Variants in SNX8 observed in about 807,000 individuals in gnomAD.
The protein encoded by SNX8 is sorting nexin 8.
A neutral mutation model predicts 51.6 loss-of-function variants in SNX8; 25 were observed. The observed-to-expected ratio is 0.48, with a 90% CI of 0.35 to 0.68. The LOEUF (loss-of-function observed/expected upper bound fraction) is 0.68, where lower values mean the gene tolerates loss of function less well. SNX8 is among the 30% of genes least tolerant of loss of function. The pLI is 0.00. For missense variants in SNX8, 695 were observed against 624.0 expected (o/e 1.11, Z -1.21); for synonymous variants, 324 against 277.0 (o/e 1.17, Z -1.68).
chr7:2,333,217 C>T (rs1022200280), intron 1 of SNX8, among the ~76,000 whole-genome samples: 1 of 151,950 alleles, frequency 6.6e-6, no homozygotes, highest in Non-Finnish European at 1.5e-5. Flanking sequence ...CCCAGCCAAG[C>T]CCAGGAGTTT....
chr7:2,320,000 CAAAA>C (rs1165854962), intron 1 of SNX8, among the ~76,000 whole-genome samples: 1 of 152,034 alleles, frequency 6.6e-6, no homozygotes, highest in African/African-American at 2.4e-5. Context: ...AACAAACAAA[CAAAA>C]AACCGTAAAT....
At chr7:2,297,912 A>T (rs1162033139) in intron 1 of SNX8, among the ~76,000 whole-genome samples, 1 of 151,964 alleles carries the variant, frequency 6.6e-6, no homozygotes, top group Non-Finnish European at 1.5e-5. Flanking sequence ...TGAAGGATGA[A>T]AAATTACCTA....
intron 1 of SNX8, among the ~76,000 whole-genome samples, chr7:2,335,802 C>CAAA (rs1173439746): frequency 2.9e-4 from 9 of 30,628 alleles, no homozygotes; most frequent in African/African-American, 7.9e-4. Flanking sequence ...GACTCTGTCT[C>CAAA]AAAAAAAAAA....
chr7:2,330,266 T>C (rs1778706730), intron 1 of SNX8, among the ~76,000 whole-genome samples: 1 of 150,686 alleles, frequency 6.6e-6, no homozygotes, highest in African/African-American at 2.4e-5. Flanking sequence ...GCCTTCCAAG[T>C]AGCTGGGATT....
Position 2,347,573 on chromosome 7 carries a change from G to A in SNX8, c.-66+6649C>T, listed in dbSNP as rs138588164. On this transcript the variant is annotated intron_variant, in intron 1 of 5. Coordinates refer to the SNX8 transcript ENST00000435336. Reference sequence around the variant, plus strand: ...CAGGAGGAAACCAGCATGGTCAAACGAGACAGGGAAGTTCAGATGATTTGG... The same window carrying A: ...CAGGAGGAAACCAGCATGGTCAAACAAGACAGGGAAGTTCAGATGATTTGG... 2.9e-3 allele frequency among the ~76,000 whole-genome samples: 425 copies of A among 148,648 alleles called. 4 individuals carry two copies. Among genetic ancestry groups the A allele is most frequent in the African/African-American group, 9.8e-3 (398 of 40,750 alleles).
At chr7:2,319,837 G>A (rs1437216079) in intron 1 of SNX8, among the ~76,000 whole-genome samples, 3 of 147,484 alleles carry the variant, frequency 2.0e-5, no homozygotes, top group East Asian at 4.0e-4. Context: ...AAAATTAGCT[G>A]GGTGTGGTGG....
intron 1 of SNX8, among the ~76,000 whole-genome samples, chr7:2,343,433 T>C (rs529935922): frequency 8.7e-4 from 132 of 151,752 alleles, no homozygotes; most frequent in Middle Eastern, 6.8e-3. Flanking sequence ...CCCAGCACCT[T>C]GGGAGGCCGA....
chr7:2,349,322 A>G (rs1779095984), intron 1 of SNX8, among the ~76,000 whole-genome samples: 1 of 152,160 alleles, frequency 6.6e-6, no homozygotes, highest in Non-Finnish European at 1.5e-5. Context: ...AAGCATGTTC[A>G]CACTGACGCA....
chr7:2,304,359 A>C (rs1169710155), intron 1 of SNX8, among the ~76,000 whole-genome samples: 1 of 151,050 alleles, frequency 6.6e-6, no homozygotes, highest in South Asian at 2.1e-4. Context: ...CCTGGCTAAC[A>C]GGGTGAAACC....
At chr7:2,272,731 T>C (rs1412923230) in intron 3 of SNX8, among the ~76,000 whole-genome samples, 1 of 152,282 alleles carries the variant, frequency 6.6e-6, no homozygotes, top group African/African-American at 2.4e-5. Context: ...CAATTACTCA[T>C]TGCTTTCATT....
Position 2,264,389 on chromosome 7 carries a change from T to A in SNX8, c.691A>T (p.Ser231Cys). The change falls in exon 6 of 11, where the codon AGC becomes TGC. Residue 231 changes from serine (S) to cysteine (C), a missense_variant. Ser to Cys is a moderately radical substitution (Grantham distance 112). Coordinates refer to ENST00000222990, the MANE Select transcript of SNX8 (RefSeq NM_013321.4). ...GCCCTGTCGCGAAGCTTGTGAAAGC[T>A]ATTGTAGATGTTCCGGATCAGCTCC... ...SRELIRNIYN[S>C]FHKLRDRAER... 6.2e-7 allele frequency: 1 copy of A among 1,612,966 alleles called. No individual in the cohort carries two copies. The highest frequency in any genetic ancestry group is 1.7e-5 in the Admixed American group (1 of 60,028).
At position 2,251,818 on chromosome 7, in the gene SNX8, CAT is replaced by C. The variant is rs1471352409; in HGVS notation, c.*3236_*3237del. On this transcript the variant is annotated 3_prime_UTR_variant, in exon 11 of 11. Coordinates refer to ENST00000222990, the MANE Select transcript of SNX8 (RefSeq NM_013321.4). Reference sequence around the variant, plus strand: ...TTGATAAACCGTCCAAAATGTAGGTCATGTGTAAACAATTCCAGTTGTTGGGT... The same window carrying C: ...TTGATAAACCGTCCAAAATGTAGGTCGTGTAAACAATTCCAGTTGTTGGGT... 2 of 152,484 alleles carry C rather than the reference CAT, an allele frequency of 1.3e-5. No homozygotes were observed. The highest frequency in any genetic ancestry group is 2.9e-5 in the Non-Finnish European group (2 of 68,266). The allele number at this position is 152,484 out of a possible 1,614,324, so 9.4% of individuals were successfully genotyped here.
rs566279520 is a variant in SNX8, at chr7:2,343,664, G to A, written c.-66+10558C>T. Among the ~76,000 whole-genome samples the A allele has an allele frequency of 4.6e-5, 7 of 152,014 alleles. No individual in the cohort carries two copies. The South Asian group carries it at 1.5e-3, about 32-fold the overall frequency. On this transcript the variant is annotated intron_variant, in intron 1 of 5. Coordinates refer to the SNX8 transcript ENST00000435336. The stretch of plus-strand genomic sequence containing the variant: ...CCCTCCAGCCTAGGCGACAGAGTAA[G>A]ATCCAATCTCAATAAATAAATAAAT...
At chr7:2,348,433 C>T (rs1367607765) in intron 1 of SNX8, among the ~76,000 whole-genome samples, 3 of 150,734 alleles carry the variant, frequency 2.0e-5, no homozygotes, top group East Asian at 2.0e-4. Context: ...CTCCGCCTTC[C>T]GGGTTCACGC....
chr7:2,329,163 C>T (rs979692578), intron 1 of SNX8, among the ~76,000 whole-genome samples: 8 of 150,862 alleles, frequency 5.3e-5, no homozygotes, highest in Non-Finnish European at 1.0e-4. Context: ...CTCAGCTACT[C>T]GGGAGGCTGA....
chr7:2,277,526 C>T (rs906441947), intron 2 of SNX8, among the ~76,000 whole-genome samples: 6 of 152,064 alleles, frequency 3.9e-5, no homozygotes, highest in African/African-American at 7.2e-5. Context: ...CCAGGCCGGG[C>T]GCGGTGGCTC....
At chr7:2,316,019 CCACT>C (rs993772072), upstream of SNX8, among the ~76,000 whole-genome samples, 1 of 142,420 alleles carries the variant, frequency 7.0e-6, no homozygotes, top group African/African-American at 2.6e-5. Flanking sequence ...ATTCATTCAC[CCACT>C]CACTCACCCA....
intron 1 of SNX8, among the ~76,000 whole-genome samples, chr7:2,280,549 TTAAGA>T (rs372401177): frequency 1.3e-4 from 20 of 152,280 alleles, no homozygotes; most frequent in African/African-American, 2.9e-4. Context: ...TTCCTGATTA[TTAAGA>T]TAAGATAATC....
rs1796226568 is a variant in SNX8 at position 2,294,473 on chromosome 7, G to GT, written c.95-16169dup. ...CCATCTCTTTGTTCCTAAAAACACT[G>GT]TAAGTAGGTACATTTGTGATCTCAT... On this transcript the variant is annotated intron_variant, in intron 1 of 10. Transcript: ENST00000222990. 2.0e-5 allele frequency among the ~76,000 whole-genome samples: 3 copies of GT among 152,186 alleles called. No individual in the cohort carries two copies. The South Asian group carries it at 6.2e-4, about 32-fold the overall frequency.
Sources: allele counts gnomAD v4.1 joint callset (sites outside exome capture counted in the v4.1 genomes callset), GRCh38; gene constraint gnomAD v4.1.1; transcripts MANE v1.5; gene names NCBI Gene and HGNC (gene_info 2026-07-23, HGNC 2026-07-21).